GALNT13: variants seen among roughly 807,000 people sequenced by gnomAD.
The protein encoded by GALNT13 is polypeptide N-acetylgalactosaminyltransferase 13.
Under a neutral mutation model 64.2 loss-of-function variants are expected in GALNT13, and 28 were observed. The observed-to-expected ratio is 0.44, with a 90% confidence interval of 0.32 to 0.60. The LOEUF (loss-of-function observed/expected upper bound fraction) is 0.60, where lower values mean the gene tolerates loss of function less well. Among genes scored for constraint, GALNT13 ranks in the 20% least tolerant of loss-of-function variants. The pLI is 0.05. For missense variants in GALNT13, 577 were observed against 669.8 expected (o/e 0.86, Z 1.53); for synonymous variants, 214 against 224.6 (o/e 0.95, Z 0.42).
the GALNT13 span, among the ~76,000 whole-genome samples, chr2:153,803,530 A>C: frequency 1.3e-5 from 2 of 151,944 alleles, no homozygotes; most frequent in Non-Finnish European, 2.9e-5. Flanking sequence ...GTCTCTACTA[A>C]AAATACAAAA....
intron 9 of GALNT13, among the ~76,000 whole-genome samples, chr2:154,315,631 C>A (rs1559086157): frequency 6.6e-6 from 1 of 152,014 alleles, no homozygotes; most frequent in Non-Finnish European, 1.5e-5. Context: ...GTGGTAGGTA[C>A]TAATTGTATA....
chr2:153,117,060 A>T, the GALNT13 span, among the ~76,000 whole-genome samples: 8 of 151,814 alleles, frequency 5.3e-5, no homozygotes, highest in East Asian at 1.6e-3. Context: ...AGGCCTCCCA[A>T]AGTGCTGGGA....
chr2:153,173,035 C>T, the GALNT13 span, among the ~76,000 whole-genome samples: 1 of 151,884 alleles, frequency 6.6e-6, no homozygotes, highest in Non-Finnish European at 1.5e-5. Flanking sequence ...GTATACTAGG[C>T]ATACTGTGAA....
chr2:154,302,472 A>G lies in GALNT13; in HGVS notation c.1156+883A>G, dbSNP rs1693498533. Among the ~76,000 whole-genome samples, 3 of 152,198 alleles carry G rather than the reference A, an allele frequency of 2.0e-5. No homozygotes were observed. The South Asian group carries it at 6.2e-4, about 32-fold the overall frequency. On this transcript the variant is annotated intron_variant, in intron 9 of 12. Coordinates refer to ENST00000392825, the MANE Select transcript of GALNT13 (RefSeq NM_052917.4). ...TAATACAATCTATTAGCTGGCTTAG[A>G]AAAGGCTATTTGATTTTAATTGGCA...
chr2:153,767,563 A>G, the GALNT13 span, among the ~76,000 whole-genome samples: 3 of 152,142 alleles, frequency 2.0e-5, no homozygotes, highest in Non-Finnish European at 2.9e-5. Context: ...TTACATACCC[A>G]CGAACAGTAT....
chr2:153,385,051 T>C, the GALNT13 span, among the ~76,000 whole-genome samples: 1 of 151,998 alleles, frequency 6.6e-6, no homozygotes. Context: ...TTGATGAGGA[T>C]GTAGAGAAAA....
At chr2:153,179,268 C>T in the GALNT13 span, among the ~76,000 whole-genome samples, 49 of 152,212 alleles carry the variant, frequency 3.2e-4, no homozygotes, top group Admixed American at 5.2e-4. Context: ...ATATTGTTTA[C>T]TCAACACTAT....
chr2:154,185,595 G>A (rs1239331129), intron 4 of GALNT13, among the ~76,000 whole-genome samples: 1 of 151,544 alleles, frequency 6.6e-6, no homozygotes, highest in African/African-American at 2.4e-5. Flanking sequence ...CTGTCTTTGT[G>A]TTCTCTGATT....
At chr2:153,130,631 G>T in the GALNT13 span, among the ~76,000 whole-genome samples, 2 of 152,092 alleles carry the variant, frequency 1.3e-5, no homozygotes, top group Non-Finnish European at 2.9e-5. Context: ...TCCCACCTCA[G>T]TCTTTGCGCT....
chr2:153,109,461 G>T, the GALNT13 span, among the ~76,000 whole-genome samples: 2 of 152,064 alleles, frequency 1.3e-5, no homozygotes, highest in African/African-American at 4.8e-5. Flanking sequence ...GAGTTCAATT[G>T]GTTCTATTAA....
the GALNT13 span, among the ~76,000 whole-genome samples, chr2:153,683,591 T>C: frequency 1.3e-5 from 2 of 151,692 alleles, no homozygotes; most frequent in African/African-American, 4.8e-5. Context: ...GTTAGATATC[T>C]AAGACGACAT....
the GALNT13 span, among the ~76,000 whole-genome samples, chr2:153,688,112 T>C: frequency 2.6e-5 from 4 of 152,046 alleles, no homozygotes; most frequent in African/African-American, 4.8e-5. Flanking sequence ...CAGCAAATCA[T>C]GGTCTACTTC....
the GALNT13 span, among the ~76,000 whole-genome samples, chr2:153,469,274 G>T: frequency 2.0e-5 from 3 of 152,070 alleles, no homozygotes; most frequent in East Asian, 5.8e-4. Flanking sequence ...CTGGAAATTT[G>T]TAGAGGAGAT....
chr2:153,247,820 A>G, the GALNT13 span, among the ~76,000 whole-genome samples: 1 of 152,198 alleles, frequency 6.6e-6, no homozygotes, highest in Non-Finnish European at 1.5e-5. Context: ...ACCACTATCT[A>G]AACTAATAAA....
intron 4 of GALNT13, among the ~76,000 whole-genome samples, chr2:154,236,905 A>T (rs1337189679): frequency 6.6e-6 from 1 of 152,002 alleles, no homozygotes; most frequent in Non-Finnish European, 1.5e-5. Context: ...TTCCTATCTG[A>T]TACAACGATA....
the GALNT13 span, among the ~76,000 whole-genome samples, chr2:153,122,881 G>A: frequency 6.6e-6 from 1 of 152,140 alleles, no homozygotes; most frequent in African/African-American, 2.4e-5. Context: ...TTTGGAAATA[G>A]GTTCATTGCA....
chr2:153,710,093 A>C, the GALNT13 span, among the ~76,000 whole-genome samples: 1 of 152,080 alleles, frequency 6.6e-6, no homozygotes, highest in Non-Finnish European at 1.5e-5. Context: ...ATAATAGTGT[A>C]TTATACATTT....
chr2:153,482,227 A>G, the GALNT13 span, among the ~76,000 whole-genome samples: 1 of 152,194 alleles, frequency 6.6e-6, no homozygotes, highest in Non-Finnish European at 1.5e-5. Context: ...CAGTATCAAC[A>G]TGTGTTCTGA....
intron 9 of GALNT13, among the ~76,000 whole-genome samples, chr2:154,351,463 C>A (rs1160023768): frequency 1.3e-5 from 2 of 151,830 alleles, no homozygotes; most frequent in Non-Finnish European, 2.9e-5. Context: ...ACAGGCGGAT[C>A]ACGAGGTCAG....
Sources: gnomAD v4.1 joint callset for allele counts (sites outside exome capture counted in the v4.1 genomes callset) on GRCh38, gnomAD v4.1.1 for gene constraint, MANE v1.5 for transcripts, NCBI Gene and HGNC (gene_info 2026-07-23, HGNC 2026-07-21) for gene names.